MED12L: variants seen among roughly 807,000 people sequenced by gnomAD.
The protein encoded by MED12L is mediator of RNA polymerase II transcription subunit 12-like protein.
A neutral mutation model predicts 281.3 loss-of-function variants in MED12L; 60 were observed. The ratio of observed to expected loss-of-function variants is 0.21; its 90% CI spans 0.17 to 0.26. The LOEUF (loss-of-function observed/expected upper bound fraction) is 0.26, where lower values mean the gene tolerates loss of function less well. Ranked by LOEUF, MED12L falls within the 10% of genes least tolerant of loss-of-function variation. MED12L has a pLI of 1.00. For missense variants in MED12L, 2,146 were observed against 2,680.9 expected (o/e 0.80, Z 4.41); for synonymous variants, 974 against 987.2 (o/e 0.99, Z 0.25).
intron 16 of MED12L, among the ~76,000 whole-genome samples, chr3:151,214,671 G>A (rs1307938175): frequency 2.0e-5 from 3 of 151,548 alleles, no homozygotes; most frequent in African/African-American, 7.3e-5. Flanking sequence ...GAGCAGACAG[G>A]TGGCAGTAAA....
intron 16 of MED12L, among the ~76,000 whole-genome samples, chr3:151,298,059 G>C (rs998414421): frequency 5.3e-5 from 8 of 152,078 alleles, no homozygotes; most frequent in African/African-American, 1.9e-4. Flanking sequence ...TGCTCTGGAA[G>C]GCTCAAAACT....
chr3:151,187,411 A>G (rs1292920188), intron 12 of MED12L, among the ~76,000 whole-genome samples: 7 of 152,208 alleles, frequency 4.6e-5, no homozygotes, highest in East Asian at 1.9e-4. Context: ...GCCTAAATGT[A>G]TCTATATCTA....
chr3:151,340,270 A>C (rs1751644594), intron 16 of MED12L, among the ~76,000 whole-genome samples: 1 of 152,186 alleles, frequency 6.6e-6, no homozygotes, highest in Admixed American at 6.5e-5. Flanking sequence ...AGTCTGTAAG[A>C]TATTTAACAA....
chr3:151,175,011 A>G (rs980466415), intron 11 of MED12L, among the ~76,000 whole-genome samples: 1 of 152,234 alleles, frequency 6.6e-6, no homozygotes, highest in Non-Finnish European at 1.5e-5. Context: ...ATATGTATAA[A>G]GATTATAAAA....
chr3:151,089,437 C>A (rs1165338102), intron 2 of MED12L, among the ~76,000 whole-genome samples: 1 of 140,958 alleles, frequency 7.1e-6, no homozygotes, highest in Admixed American at 7.2e-5. Flanking sequence ...TTTTTTTTTG[C>A]AATTGTGTGG....
chr3:151,231,910 A>G (rs1296565371), intron 16 of MED12L, among the ~76,000 whole-genome samples: 1 of 152,182 alleles, frequency 6.6e-6, no homozygotes, highest in Non-Finnish European at 1.5e-5. Context: ...CAAGAAAACA[A>G]AGTGTTATGT....
At chr3:151,403,331 AG>A (rs1715923251) in intron 39 of MED12L, among the ~76,000 whole-genome samples, 1 of 152,010 alleles carries the variant, frequency 6.6e-6, no homozygotes. Flanking sequence ...TCTCAGTCCC[AG>A]TTTTGAACCT....
chr3:151,368,208 T>C lies in MED12L; in HGVS notation c.3507T>C (p.His1169=). The change falls in exon 25 of 45, where the codon CAT becomes CAC. Residue 1169 remains histidine, a synonymous_variant. Transcript: ENST00000687756. ...GAATGACATGCCGACTCTTGCTTCA[T>C]CTCTTCCGAGCTCCCCAGGCCTGCT... ...GARMTCRLLL[H]LFRAPQACFL... The C allele has an allele frequency of 4.3e-6, 7 of 1,614,102 alleles. No individual in the cohort carries two copies. Among genetic ancestry groups the C allele is most frequent in the Non-Finnish European group, 5.9e-6 (7 of 1,179,974 alleles).
At chr3:151,192,719 C>A in intron 15 of MED12L, 65 bp downstream of exon 15, 2 of 991,114 alleles carry the variant, frequency 2.0e-6, no homozygotes, top group Non-Finnish European at 3.1e-6. Flanking sequence ...CAGCCTGTCT[C>A]GATCCTTCTG....
intron 11 of MED12L, among the ~76,000 whole-genome samples, chr3:151,167,773 C>T (rs531202919): frequency 1.3e-5 from 2 of 152,226 alleles, no homozygotes; most frequent in Non-Finnish European, 2.9e-5. Context: ...TGGGTGGAAA[C>T]CTTAAAGTGT....
intron 44 of MED12L, among the ~76,000 whole-genome samples, chr3:151,432,431 A>G (rs912700731): frequency 2.0e-5 from 3 of 152,230 alleles, no homozygotes; most frequent in Admixed American, 1.3e-4. Context: ...AGAACTTTCA[A>G]TGTTTTATGA....
At chr3:151,193,698 G>C in intron 16 of MED12L, 32 bp downstream of exon 16, 1 of 1,530,748 alleles carries the variant, frequency 6.5e-7, no homozygotes, top group Non-Finnish European at 9.0e-7. Flanking sequence ...TCTATACCCT[G>C]ATTATTTTAT....
At chr3:151,334,958 G>A (rs1291214697) in intron 16 of MED12L, among the ~76,000 whole-genome samples, 2 of 152,146 alleles carry the variant, frequency 1.3e-5, no homozygotes, top group Non-Finnish European at 2.9e-5. Context: ...TATGGACATT[G>A]AAATTCAAAT....
chr3:151,136,226 A>G (rs1028390866), intron 5 of MED12L, among the ~76,000 whole-genome samples: 1 of 152,232 alleles, frequency 6.6e-6, no homozygotes, highest in African/African-American at 2.4e-5. Flanking sequence ...TTTGGACTGC[A>G]AAAATAAGTC....
intron 11 of MED12L, among the ~76,000 whole-genome samples, chr3:151,167,004 G>C (rs764415952): frequency 6.6e-6 from 1 of 152,012 alleles, no homozygotes; most frequent in Non-Finnish European, 1.5e-5. Flanking sequence ...CTTTCTATGG[G>C]CTAGATTAGG....
chr3:151,394,939 A>G, intron 39 of MED12L, 72 bp downstream of exon 39: 3 of 1,593,444 alleles, frequency 1.9e-6, no homozygotes, highest in Non-Finnish European at 1.7e-6. Flanking sequence ...AGTTTGGGAT[A>G]TGTAGCATAT....
At chr3:151,269,719 GA>G in intron 16 of MED12L, 1 of 421,882 alleles carries the variant, frequency 2.4e-6, no homozygotes, top group Non-Finnish European at 4.6e-6. Flanking sequence ...TCTTTAGTTT[GA>G]AAATAAAGTT....
Position 151,086,804 on chromosome 3 carries a change from A to T in MED12L, c.-123A>T. 1.5e-6 allele frequency: 1 copy of T among 662,144 alleles called. No homozygotes were observed. The highest frequency in any genetic ancestry group is 2.5e-6 in the Non-Finnish European group (1 of 404,652). 41.0% of individuals were successfully genotyped at this position (662,144 alleles called of 1,614,324 possible). A position where few individuals can be genotyped will look rare whatever the true frequency, so the allele number is the denominator to read the frequency against. ...TTATTCCTCCTGCCTGCAGCGCCAC[A>T]GCGAGCGAGCGAGCGAGGAGGGGGA... On this transcript the variant is annotated 5_prime_UTR_variant, in exon 2 of 45. Coordinates refer to ENST00000687756, the MANE Select transcript of MED12L (RefSeq NM_001393769.1).
At chr3:151,259,838 A>T (rs1738524011) in intron 16 of MED12L, among the ~76,000 whole-genome samples, 1 of 152,098 alleles carries the variant, frequency 6.6e-6, no homozygotes. Context: ...CACTCTGTTT[A>T]TTCTATTTTA....
Sources: gnomAD v4.1 joint callset for allele counts (sites outside exome capture counted in the v4.1 genomes callset) on GRCh38, gnomAD v4.1.1 for gene constraint, MANE v1.5 for transcripts, NCBI Gene and HGNC (gene_info 2026-07-23, HGNC 2026-07-21) for gene names.